Variants in MYH10 observed in about 807,000 individuals in gnomAD.
MYH10 encodes the protein myosin heavy chain 10, also known as myosin-10.
MYH10 carries 55 observed loss-of-function variants against 257.8 expected under a neutral mutation model. The observed-to-expected ratio is 0.21, with a 90% CI of 0.17 to 0.27. MYH10 has a LOEUF of 0.27. Among genes scored for constraint, MYH10 ranks in the 10% least tolerant of loss-of-function variants. The pLI, the probability that MYH10 is intolerant of heterozygous loss-of-function variation, is 1.00. For missense variants in MYH10, 1,631 were observed against 2,500.6 expected (o/e 0.65, Z 7.42); for synonymous variants, 854 against 921.7 (o/e 0.93, Z 1.33).
intron 1 of MYH10, among the ~76,000 whole-genome samples, chr17:8,627,138 A>ATT (rs11411169): frequency 1.9e-4 from 28 of 150,576 alleles, no homozygotes; most frequent in East Asian, 1.4e-3. Context: ...ACACGTGTGT[A>ATT]TTTTTTTTTT....
At chr17:8,575,435 G>T (rs1211241045) in intron 6 of MYH10, among the ~76,000 whole-genome samples, 1 of 152,086 alleles carries the variant, frequency 6.6e-6, no homozygotes, top group African/African-American at 2.4e-5. Flanking sequence ...TCTTTAATTG[G>T]CAAAGAAGCT....
At chr17:8,498,741 G>A (rs1050309241) in intron 30 of MYH10, among the ~76,000 whole-genome samples, 4 of 151,966 alleles carry the variant, frequency 2.6e-5, no homozygotes, top group Admixed American at 6.6e-5. Context: ...CCAGCTACTC[G>A]GGAGACTGAG....
chr17:8,495,025 A>G (rs771490046), intron 31 of MYH10, 112 bp downstream of exon 31: 8 of 678,580 alleles, frequency 1.2e-5, no homozygotes, highest in Non-Finnish European at 1.8e-5. Flanking sequence ...AGTATGACAT[A>G]AAACTAGTAA....
rs145410192 is a variant in MYH10, at chr17:8,481,239, C to T, written c.5264+83G>A. 250 of 1,358,652 alleles carry T rather than the reference C, an allele frequency of 1.8e-4. 1 individual carries two copies. The African/African-American group carries it at 2.6e-3, about 14-fold the overall frequency. 84.2% of individuals were successfully genotyped at this position (1,358,652 alleles called of 1,614,324 possible). ...GGGAGGAGCAAACCACCCGCTGATGCCAGGTGTGTGGACACCTCCAGCCTT... is the reference window on the plus strand; with the variant it reads ...GGGAGGAGCAAACCACCCGCTGATGTCAGGTGTGTGGACACCTCCAGCCTT... On this transcript the variant is annotated intron_variant, in intron 38 of 42. Coordinates refer to ENST00000360416, the MANE Select transcript of MYH10 (RefSeq NM_001256012.3).
intron 33 of MYH10, 72 bp from the exon 34 acceptor site, chr17:8,492,581 C>A: frequency 6.9e-7 from 1 of 1,441,492 alleles, no homozygotes; most frequent in Non-Finnish European, 9.3e-7. Context: ...CACCATGTGG[C>A]TGATTTATCG....
intron 21 of MYH10, among the ~76,000 whole-genome samples, chr17:8,518,025 CGT>C (rs34409328): frequency 0.51 from 63,400 of 124,444 alleles, 18,228 homozygotes; most frequent in Middle Eastern, 0.61. Context: ...CCCTTGGCCC[CGT>C]GTGTGTGTGT....
chr17:8,571,118 C>A (rs2083320721), intron 6 of MYH10, among the ~76,000 whole-genome samples: 1 of 151,978 alleles, frequency 6.6e-6, no homozygotes, highest in Non-Finnish European at 1.5e-5. Context: ...CCCTGTACAA[C>A]AAATCTTCTG....
chr17:8,617,682 G>A (rs1326679682), intron 2 of MYH10, among the ~76,000 whole-genome samples: 1 of 152,060 alleles, frequency 6.6e-6, no homozygotes, highest in African/African-American at 2.4e-5. Flanking sequence ...GTTCATTGAA[G>A]CAATGATCAT....
At position 8,492,458 on chromosome 17, in the gene MYH10, G is replaced by A. The variant is rs988699769; in HGVS notation, c.4510C>T (p.Arg1504Trp). The A allele has an allele frequency of 2.2e-5, 36 of 1,612,444 alleles. No homozygotes were observed. The highest frequency in any genetic ancestry group is 6.7e-5 in the Admixed American group (4 of 60,002). The change falls in exon 34 of 43, where the codon CGG becomes TGG. Residue 1504 changes from arginine (R) to tryptophan (W), a missense_variant. Coordinates refer to ENST00000360416, the MANE Select transcript of MYH10 (RefSeq NM_001256012.3). ...ISARYAEERDRAEAEAREKET... is the reference protein window; with the variant it reads ...ISARYAEERDWAEAEAREKET... Reference sequence around the variant, plus strand: ...TTCTCTCTGGCCTCGGCTTCGGCCCGGTCCCGCTCTTCGGCATAGCGAGCA... The same window carrying A: ...TTCTCTCTGGCCTCGGCTTCGGCCCAGTCCCGCTCTTCGGCATAGCGAGCA...
rs1253030388 is a variant in MYH10 at position 8,545,222 on chromosome 17, A to ACAGCT, written c.1431+221_1431+225dup. Among the ~76,000 whole-genome samples, 4 of 152,284 alleles carry ACAGCT rather than the reference A, an allele frequency of 2.6e-5. No individual in the cohort carries two copies. Among genetic ancestry groups the ACAGCT allele is most frequent in the African/African-American group, 9.6e-5 (4 of 41,568 alleles). On this transcript the variant is annotated intron_variant, in intron 13 of 42. Transcript: ENST00000360416. The surrounding 1 kb of genome is among the most constrained non-coding windows in gnomAD (Gnocchi z 4.7). Reference sequence around the variant, plus strand: ...CCAATGCAGAAGCAACCTTCCCTGAACAGCTATCTCAAGCTGGCCTCCCAG... The same window carrying ACAGCT: ...CCAATGCAGAAGCAACCTTCCCTGAACAGCTCAGCTATCTCAAGCTGGCCTCCCAG...
rs959467908 is a variant in MYH10 at position 8,607,851 on chromosome 17, A to C, written c.346-2869T>G. On this transcript the variant is annotated intron_variant, in intron 2 of 42. Transcript: ENST00000360416. ...AGAGAAAGATGAACTGGTATTATAA[A>C]TAACAGAAAGCTCTGGGGCAGAACA... Among the ~76,000 whole-genome samples, 3 of 152,220 alleles carry C rather than the reference A, an allele frequency of 2.0e-5. No individual in the cohort carries two copies. The South Asian group carries it at 6.2e-4, about 31-fold the overall frequency.
At chr17:8,601,821 A>G (rs1246794403) in intron 3 of MYH10, among the ~76,000 whole-genome samples, 3 of 152,244 alleles carry the variant, frequency 2.0e-5, no homozygotes, top group Non-Finnish European at 4.4e-5. Context: ...AATTTAAAAA[A>G]AATTAAGCTA....
chr17:8,479,896 C>T (rs1913388340), intron 40 of MYH10, among the ~76,000 whole-genome samples: 1 of 152,206 alleles, frequency 6.6e-6, no homozygotes, highest in Non-Finnish European at 1.5e-5. Flanking sequence ...TAAAGCCCAG[C>T]CTTCCCTGAC....
intron 6 of MYH10, among the ~76,000 whole-genome samples, chr17:8,571,127 T>C (rs1192803586): frequency 6.6e-6 from 1 of 152,134 alleles, no homozygotes; most frequent in African/African-American, 2.4e-5. Flanking sequence ...ACAAATCTTC[T>C]GTTTTCCTCA....
intron 35 of MYH10, among the ~76,000 whole-genome samples, chr17:8,488,231 T>C (rs1304440372): frequency 1.3e-5 from 2 of 152,186 alleles, no homozygotes; most frequent in African/African-American, 4.8e-5. Flanking sequence ...CACTCTTCAC[T>C]CAGCCTCCTA....
intron 37 of MYH10, 147 bp from the exon 38 acceptor site, chr17:8,481,557 T>G (rs904417): frequency 0.98 from 667,281 of 679,028 alleles, 328,752 homozygotes; most frequent in East Asian, 1. Context: ...AATTAAACTG[T>G]CAAGAAAATC....
At chr17:8,595,582 G>A (rs1375258801) in intron 3 of MYH10, among the ~76,000 whole-genome samples, 1 of 151,826 alleles carries the variant, frequency 6.6e-6, no homozygotes, top group Non-Finnish European at 1.5e-5. Flanking sequence ...ACAGGAATTC[G>A]CCACCACACC....
In MYH10 at chr17:8,535,810, G is replaced by C; in HGVS notation, c.1727C>G (p.Pro576Arg). The C allele has an allele frequency of 6.2e-7, 1 of 1,614,052 alleles. No individual in the cohort carries two copies. Among genetic ancestry groups the C allele is most frequent in the Non-Finnish European group, 8.5e-7 (1 of 1,180,014 alleles). ...EQGSHSKFQK[P>R]RQLKDKADFC... ...ATCAGCTTTGTCTTTTAATTGTCGA[G>C]GTTTCTGAAACTTGGAGTGGGAACC... The change falls in exon 15 of 43, where the codon CCT (proline) becomes CGT (arginine). Residue 576 changes from proline to arginine, a missense_variant. This residue lies in a region of MYH10 where 63 missense variants were observed against 167.9 expected (regional missense o/e 0.38). Coordinates refer to ENST00000360416, the MANE Select transcript of MYH10 (RefSeq NM_001256012.3). The surrounding 1 kb of genome is among the most constrained non-coding windows in gnomAD (Gnocchi z 4.3).
chr17:8,505,926 G>A lies in MYH10; in HGVS notation c.3386+392C>T, dbSNP rs565350115. ...ACCCAGGAAGTGGAGTTTGCAGTGAGCTGAGATTGCACCACTGCACTCCAG... is the reference window on the plus strand; with the variant it reads ...ACCCAGGAAGTGGAGTTTGCAGTGAACTGAGATTGCACCACTGCACTCCAG... On this transcript the variant is annotated intron_variant, in intron 27 of 42. Coordinates refer to ENST00000360416, the MANE Select transcript of MYH10 (RefSeq NM_001256012.3). 69 of 154,962 alleles carry A rather than the reference G, an allele frequency of 4.5e-4. 1 individual carries two copies. The highest frequency in any genetic ancestry group is 9.1e-4 in the Non-Finnish European group (64 of 70,148). 9.6% of individuals were successfully genotyped at this position (154,962 alleles called of 1,614,324 possible). A position where few individuals can be genotyped will look rare whatever the true frequency, so the allele number is the denominator to read the frequency against.
Sources: gnomAD v4.1 joint callset for allele counts (sites outside exome capture counted in the v4.1 genomes callset) on GRCh38, gnomAD v4.1.1 for gene constraint, gnomAD v4.1.1 regional missense constraint, Gnocchi (gnomAD v3.1) non-coding constraint, MANE v1.5 for transcripts, NCBI Gene and HGNC (gene_info 2026-07-23, HGNC 2026-07-21) for gene names.